Variants in CCDC85A observed in about 807,000 individuals in gnomAD.
The protein encoded by CCDC85A is coiled-coil domain containing 85A, also known as coiled-coil domain-containing protein 85A.
Under a neutral mutation model 50.2 loss-of-function variants are expected in CCDC85A, and 38 were observed. The ratio of observed to expected loss-of-function variants is 0.76; its 90% CI spans 0.58 to 0.99. The LOEUF (loss-of-function observed/expected upper bound fraction) is 0.99, where lower values mean the gene tolerates loss of function less well. Ranked by LOEUF, CCDC85A falls within the 50% of genes least tolerant of loss-of-function variation. The pLI is 0.00. For missense variants in CCDC85A, 820 were observed against 742.0 expected (o/e 1.11, Z -1.22); for synonymous variants, 366 against 301.4 (o/e 1.21, Z -2.22).
intron 2 of CCDC85A, among the ~76,000 whole-genome samples, chr2:56,214,120 A>G (rs997998842): frequency 3.6e-5 from 5 of 138,902 alleles, no homozygotes; most frequent in Non-Finnish European, 8.0e-5. Flanking sequence ...TGACATTAGT[A>G]TATATAATAT....
At chr2:56,314,666 T>C (rs1364042827) in intron 2 of CCDC85A, among the ~76,000 whole-genome samples, 1 of 152,140 alleles carries the variant, frequency 6.6e-6, no homozygotes, top group Non-Finnish European at 1.5e-5. Flanking sequence ...GATTCTGGAA[T>C]TGGAAGGGAT....
At chr2:56,361,506 A>G (rs548921282) in intron 3 of CCDC85A, among the ~76,000 whole-genome samples, 3 of 152,310 alleles carry the variant, frequency 2.0e-5, no homozygotes, top group Non-Finnish European at 2.9e-5. Context: ...GGTAATCACT[A>G]TGAAGAAAAT....
intron 3 of CCDC85A, among the ~76,000 whole-genome samples, chr2:56,370,418 A>G (rs916035371): frequency 2.6e-5 from 4 of 152,102 alleles, no homozygotes; most frequent in Admixed American, 1.3e-4. Flanking sequence ...AAAAAAATAT[A>G]TATGCTGACA....
At chr2:56,287,547 G>A (rs1004550963) in intron 2 of CCDC85A, among the ~76,000 whole-genome samples, 1 of 152,250 alleles carries the variant, frequency 6.6e-6, no homozygotes, top group African/African-American at 2.4e-5. Context: ...GACAGACCCA[G>A]TTCCAATAAC....
chr2:56,280,626 A>G (rs938020351), intron 2 of CCDC85A, among the ~76,000 whole-genome samples: 1 of 152,284 alleles, frequency 6.6e-6, no homozygotes, highest in Middle Eastern at 3.4e-3. Context: ...ATACCAACTA[A>G]TACGACAAAT....
At chr2:56,285,442 T>G (rs1386924151) in intron 2 of CCDC85A, among the ~76,000 whole-genome samples, 1 of 143,342 alleles carries the variant, frequency 7.0e-6, no homozygotes, top group Non-Finnish European at 1.5e-5. Flanking sequence ...ATTAATTATA[T>G]TAATAATATA....
chr2:56,184,938 G>GGAGC lies in CCDC85A; in HGVS notation c.276+40_276+43dup. On this transcript the variant is annotated intron_variant, in intron 1 of 5. Coordinates refer to ENST00000407595, the MANE Select transcript of CCDC85A (RefSeq NM_001080433.2). Reference sequence around the variant, plus strand: ...CAGGTGGGGAGGCGCGGCGCGGCTGGGAGCGGGGTGCCCCGAGGAGGAGGC... The same window carrying GGAGC: ...CAGGTGGGGAGGCGCGGCGCGGCTGGGAGCGAGCGGGGTGCCCCGAGGAGGAGGC... 3 of 1,449,858 alleles carry GGAGC rather than the reference G, an allele frequency of 2.1e-6. No individual in the cohort carries two copies. In the South Asian group the frequency reaches 4.2e-5, roughly 21 times the overall value. 89.8% of individuals were successfully genotyped at this position (1,449,858 alleles called of 1,614,324 possible).
chr2:56,360,241 G>T (rs1445493680), intron 3 of CCDC85A, among the ~76,000 whole-genome samples: 1 of 152,194 alleles, frequency 6.6e-6, no homozygotes, highest in Non-Finnish European at 1.5e-5. Flanking sequence ...CCTCTCTGTA[G>T]CACTTAATGT....
At chr2:56,308,925 C>G (rs143220162) in intron 2 of CCDC85A, among the ~76,000 whole-genome samples, 1 of 152,206 alleles carries the variant, frequency 6.6e-6, no homozygotes, top group East Asian at 1.9e-4. Context: ...CAAGAGTGAG[C>G]TGGGAAAAGT....
At position 56,384,478 on chromosome 2, in the gene CCDC85A, T is replaced by C. The variant is rs1676739491; in HGVS notation, c.*123T>C. ...GGAATAACATGGAGTGATTGTACAT[T>C]GCACATATCTCCCCTCTAAAACCTG... On this transcript the variant is annotated 3_prime_UTR_variant, in exon 6 of 6. Coordinates refer to ENST00000407595, the MANE Select transcript of CCDC85A (RefSeq NM_001080433.2). The C allele has an allele frequency of 1.3e-5, 10 of 744,000 alleles. No homozygotes were observed. In the South Asian group the frequency reaches 1.5e-4, roughly 11 times the overall value. The allele number at this position is 744,000 out of a possible 1,614,324, so 46.1% of individuals were successfully genotyped here.
In CCDC85A at chr2:56,184,498, C is replaced by A. The variant is rs1675905315; in HGVS notation, c.-127C>A. 9.3e-7 allele frequency: 1 copy of A among 1,077,294 alleles called. No homozygotes were observed. Among genetic ancestry groups the A allele is most frequent in the African/African-American group, 1.7e-5 (1 of 60,138 alleles). 66.7% of individuals were successfully genotyped at this position (1,077,294 alleles called of 1,614,324 possible). On this transcript the variant is annotated 5_prime_UTR_variant, in exon 1 of 6. Coordinates refer to ENST00000407595, the MANE Select transcript of CCDC85A (RefSeq NM_001080433.2). ...ACCCCCGCCGCCCCAACCCAGCGGC[C>A]CCTGGGCGGTGCCGCTGACTCGCCG... is the stretch of plus-strand genomic sequence containing the variant.
intron 2 of CCDC85A, among the ~76,000 whole-genome samples, chr2:56,203,857 A>C (rs993322153): frequency 6.6e-6 from 1 of 152,234 alleles, no homozygotes; most frequent in Non-Finnish European, 1.5e-5. Context: ...AAAACACTTT[A>C]AAATAATTGA....
chr2:56,209,124 C>A (rs1008334850), intron 2 of CCDC85A, among the ~76,000 whole-genome samples: 2 of 152,056 alleles, frequency 1.3e-5, no homozygotes, highest in Non-Finnish European at 2.9e-5. Flanking sequence ...GAGTACGTAT[C>A]CAAGTCTTTT....
chr2:56,267,479 A>G (rs891662983), intron 2 of CCDC85A, among the ~76,000 whole-genome samples: 16 of 152,212 alleles, frequency 1.1e-4, no homozygotes, highest in Non-Finnish European at 1.9e-4. Context: ...AAAAACTCCT[A>G]TTTAAAAAGA....
chr2:56,208,420 A>G (rs898881361), intron 2 of CCDC85A, among the ~76,000 whole-genome samples: 1 of 152,172 alleles, frequency 6.6e-6, no homozygotes, highest in Non-Finnish European at 1.5e-5. Flanking sequence ...TTGGTAACTC[A>G]CTGAAGATAT....
At position 56,321,665 on chromosome 2, in the gene CCDC85A, G is replaced by A. The variant is rs974463524; in HGVS notation, c.1241-21214G>A. Among the ~76,000 whole-genome samples, 32 of 152,062 alleles carry A rather than the reference G, an allele frequency of 2.1e-4. 1 individual carries two copies. Among genetic ancestry groups the A allele is most frequent in the South Asian group, 1.9e-3 (9 of 4,824 alleles). ...AGAGGACACAAACAAATTGAAGAAC[G>A]TTCCATGCTCGTGGATACGAAGAAC... On this transcript the variant is annotated intron_variant, in intron 2 of 5. Coordinates refer to ENST00000407595, the MANE Select transcript of CCDC85A (RefSeq NM_001080433.2).
chr2:56,372,463 C>T lies in CCDC85A; in HGVS notation c.1437C>T (p.Cys479=), dbSNP rs1239492084. Residue 479 remains cysteine, a synonymous_variant, in exon 4 of 6, where the codon TGC becomes TGT. Transcript: ENST00000407595. ...WWQGCRGIGR[C]LPTLPGSFRL... is the part of the protein sequence containing the mutation. ...AAGGGTGCCGAGGAATAGGACGATGCCTGCCTACTCTCCCGGTGAGTGAAG... is the reference window on the plus strand; with the variant it reads ...AAGGGTGCCGAGGAATAGGACGATGTCTGCCTACTCTCCCGGTGAGTGAAG... The T allele has an allele frequency of 6.2e-7, 1 of 1,606,496 alleles. No homozygotes were observed. The highest frequency in any genetic ancestry group is 1.1e-5 in the South Asian group (1 of 89,528).
chr2:56,192,956 G>T lies in CCDC85A; in HGVS notation c.756G>T (p.Arg252Ser). The T allele has an allele frequency of 6.2e-7, 1 of 1,612,092 alleles. No homozygotes were observed. The highest frequency in any genetic ancestry group is 8.5e-7 in the Non-Finnish European group (1 of 1,179,404). ...GCAGCCCGGAGCACTCCAAGCACAG[G>T]AGCGCCAGCCCCGAGCATCCACAGA... ...SEGSPEHSKH[R>S]SASPEHPQKP... Residue 252 changes from arginine to serine, a missense_variant, in exon 2 of 6, where the codon AGG becomes AGT. Physicochemically the swap from Arg to Ser is moderately radical, Grantham distance 110. Coordinates refer to ENST00000407595, the MANE Select transcript of CCDC85A (RefSeq NM_001080433.2). This position sits in a 1 kb window ranked among gnomAD's most constrained non-coding sequence, Gnocchi z 4.7.
intron 2 of CCDC85A, among the ~76,000 whole-genome samples, chr2:56,272,947 AAAAG>A (rs1271247519): frequency 1.1e-4 from 17 of 152,306 alleles, no homozygotes; most frequent in African/African-American, 3.9e-4. Context: ...TGGAAAAAGA[AAAAG>A]AGAGAGGAAG....
Sources: allele counts gnomAD v4.1 joint callset (sites outside exome capture counted in the v4.1 genomes callset), GRCh38; gene constraint gnomAD v4.1.1; non-coding constraint Gnocchi (gnomAD v3.1); transcripts MANE v1.5; gene names NCBI Gene and HGNC (gene_info 2026-07-23, HGNC 2026-07-21).